Variants in PDE4D observed in about 807,000 individuals in gnomAD.
PDE4D encodes the protein 3',5'-cyclic-AMP phosphodiesterase 4D.
A neutral mutation model predicts 87.4 loss-of-function variants in PDE4D; 24 were observed. The ratio of observed to expected loss-of-function variants is 0.27; its 90% CI spans 0.20 to 0.39. The LOEUF (loss-of-function observed/expected upper bound fraction) is 0.39, where lower values mean the gene tolerates loss of function less well. Among genes scored for constraint, PDE4D ranks in the 10% least tolerant of loss-of-function variants. The pLI, the probability that PDE4D is intolerant of heterozygous loss-of-function variation, is 1.00. For synonymous variants in PDE4D, 384 were observed against 383.2 expected, an observed-to-expected ratio of 1.00 and a Z score of -0.02; for missense variants, 714 against 1,041.0, an observed-to-expected ratio of 0.69 and a Z score of 4.32.
chr5:60,443,994 G>T lies in PDE4D; in HGVS notation c.-90+43948C>A, dbSNP rs1212328382. The stretch of plus-strand genomic sequence containing the variant: ...CCAAAGCCATGCTTTCATTACTTGT[G>T]ATTACTGATAACTCTTGGTGACCAA... On this transcript the variant is annotated intron_variant, in intron 1 of 16. Coordinates refer to the PDE4D transcript ENST00000502484. Among the ~76,000 whole-genome samples the T allele has an allele frequency of 2.3e-5, 3 of 131,148 alleles. No homozygotes were observed. The Admixed American group carries it at 2.6e-4, about 11-fold the overall frequency. 86.0% of individuals were successfully genotyped at this position (131,148 alleles called of 152,430 possible).
intron 2 of PDE4D, among the ~76,000 whole-genome samples, chr5:60,128,700 A>T (rs1779323821): frequency 6.6e-6 from 1 of 152,206 alleles, no homozygotes; most frequent in East Asian, 1.9e-4. Context: ...GTTAGTATTA[A>T]CTACTCTAAC....
chr5:59,247,837 T>C (rs9292199), intron 1 of PDE4D, among the ~76,000 whole-genome samples: 6,652 of 151,856 alleles, frequency 0.044, 196 homozygotes, highest in African/African-American at 0.079. Context: ...ACATACGTCT[T>C]ATCTCTGATT....
intron 1 of PDE4D, among the ~76,000 whole-genome samples, chr5:59,746,771 C>T (rs548293130): frequency 7.2e-5 from 11 of 152,232 alleles, no homozygotes; most frequent in East Asian, 3.9e-4. Flanking sequence ...ACCGAGAATA[C>T]GGATTTACTT....
At chr5:59,278,682 C>T (rs11746769) in intron 1 of PDE4D, among the ~76,000 whole-genome samples, 26,813 of 151,836 alleles carry the variant, frequency 0.18, 2,530 homozygotes, top group Middle Eastern at 0.26. Flanking sequence ...AAAACTTAAA[C>T]TGAATATAAA....
intron 6 of PDE4D, among the ~76,000 whole-genome samples, chr5:59,011,357 G>C (rs1172269534): frequency 3.3e-5 from 5 of 152,180 alleles, no homozygotes; most frequent in Admixed American, 2.6e-4. Context: ...CGAGCTAAAG[G>C]AGGATGTTCA....
intron 5 of PDE4D, among the ~76,000 whole-genome samples, chr5:59,112,242 C>A (rs1772790330): frequency 6.6e-6 from 1 of 152,048 alleles, no homozygotes; most frequent in African/African-American, 2.4e-5. Context: ...AGCAAGGAGG[C>A]TAATGGGCTG....
chr5:58,984,618 TAAA>T (rs1561233594), intron 11 of PDE4D, among the ~76,000 whole-genome samples: 2 of 151,900 alleles, frequency 1.3e-5, no homozygotes, highest in South Asian at 4.1e-4. Flanking sequence ...AGTAGAGAAA[TAAA>T]AAAGTGTATA....
At chr5:59,628,608 C>A (rs929447039) in intron 1 of PDE4D, among the ~76,000 whole-genome samples, 3 of 152,122 alleles carry the variant, frequency 2.0e-5, no homozygotes, top group Non-Finnish European at 4.4e-5. Context: ...TTGTACCAGG[C>A]ACTGTTCTCC....
At chr5:59,890,627 C>T (rs1304871761) in intron 1 of PDE4D, among the ~76,000 whole-genome samples, 1 of 152,190 alleles carries the variant, frequency 6.6e-6, no homozygotes, top group Non-Finnish European at 1.5e-5. Flanking sequence ...TTTCTTGATG[C>T]TGTCAACAGG....
chr5:59,388,890 A>G (rs944760805), intron 1 of PDE4D, among the ~76,000 whole-genome samples: 1 of 152,088 alleles, frequency 6.6e-6, no homozygotes, highest in Non-Finnish European at 1.5e-5. Context: ...GATTTGATCT[A>G]TCTATATCAA....
At position 59,794,566 on chromosome 5, in the gene PDE4D, T is replaced by C. The variant is rs183946624; in HGVS notation, c.455+98602A>G. ...TCCACTGACCTATAAATGTTTACTG[T>C]AATTATACCAATTGTCACCTCCTGC... On this transcript the variant is annotated intron_variant, in intron 1 of 14. Coordinates refer to ENST00000340635, the MANE Select transcript of PDE4D (RefSeq NM_001104631.2). Among the ~76,000 whole-genome samples the C allele has an allele frequency of 2.2e-3, 338 of 152,278 alleles. 1 individual carries two copies. The highest frequency in any genetic ancestry group is 0.011 in the South Asian group (55 of 4,820).
chr5:59,215,406 T>G lies in PDE4D; in HGVS notation c.647+371A>C, dbSNP rs1239568036. On this transcript the variant is annotated intron_variant, in intron 2 of 14. Transcript: ENST00000340635. ...ACTTTTCAATGGAGTTGAAAGCTTT[T>G]CAAAATATTAGAAAATATCCATGTA... 3 of 248,408 alleles carry G rather than the reference T, an allele frequency of 1.2e-5. No individual in the cohort carries two copies. In the Admixed American group the frequency reaches 1.6e-4, roughly 13 times the overall value. The allele number at this position is 248,408 out of a possible 1,614,324, so 15.4% of individuals were successfully genotyped here. A position where few individuals can be genotyped will look rare whatever the true frequency, so the allele number is the denominator to read the frequency against.
intron 2 of PDE4D, among the ~76,000 whole-genome samples, chr5:60,082,949 G>A (rs1311558333): frequency 6.6e-6 from 1 of 152,110 alleles, no homozygotes; most frequent in African/African-American, 2.4e-5. Flanking sequence ...TTTCTTCTCA[G>A]AGAAGTTTGC....
chr5:60,279,664 T>A (rs1316083397), intron 1 of PDE4D, among the ~76,000 whole-genome samples: 2 of 151,376 alleles, frequency 1.3e-5, no homozygotes, highest in African/African-American at 4.9e-5. Flanking sequence ...AATGCATTGG[T>A]ATTTTTGTGT....
At chr5:60,086,399 T>C (rs1264287184) in intron 2 of PDE4D, among the ~76,000 whole-genome samples, 7 of 152,218 alleles carry the variant, frequency 4.6e-5, no homozygotes, top group Admixed American at 1.3e-4. Flanking sequence ...TTAAACTATA[T>C]ATTTTTTATA....
chr5:59,913,724 A>T (rs531423735), intron 3 of PDE4D, among the ~76,000 whole-genome samples: 7 of 152,118 alleles, frequency 4.6e-5, no homozygotes, highest in Non-Finnish European at 8.8e-5. Context: ...ACTTAATGCA[A>T]ATCAACTGTG....
intron 1 of PDE4D, among the ~76,000 whole-genome samples, chr5:59,759,979 A>G (rs917352518): frequency 6.6e-6 from 1 of 152,224 alleles, no homozygotes; most frequent in African/African-American, 2.4e-5. Flanking sequence ...CCTCAAAGAG[A>G]AATCACTAAA....
intron 1 of PDE4D, among the ~76,000 whole-genome samples, chr5:60,374,409 A>G (rs954716918): frequency 6.6e-6 from 1 of 152,212 alleles, no homozygotes; most frequent in African/African-American, 2.4e-5. Flanking sequence ...ATTCTTTAAA[A>G]AGAAGAAATA....
chr5:59,412,534 C>T (rs190449201), intron 1 of PDE4D, among the ~76,000 whole-genome samples: 22 of 152,250 alleles, frequency 1.4e-4, no homozygotes, highest in African/African-American at 5.1e-4. Context: ...CAATCTGGCC[C>T]ATGGCTGTTC....
Sources: allele counts gnomAD v4.1 joint callset (sites outside exome capture counted in the v4.1 genomes callset), GRCh38; gene constraint gnomAD v4.1.1; transcripts MANE v1.5; gene names NCBI Gene and HGNC (gene_info 2026-07-23, HGNC 2026-07-21).